The following ADPRHL1 variants were observed in gnomAD, a reference collection of about 807,000 sequenced individuals.
The protein encoded by ADPRHL1 is ADP-ribosylhydrolase like 1.
ADPRHL1 carries 43 observed loss-of-function variants against 44.1 expected under a neutral mutation model. The ratio of observed to expected loss-of-function variants is 0.98; its 90% CI spans 0.76 to 1.26. The LOEUF is 1.26. Ranked by LOEUF, ADPRHL1 falls within the 50% of genes most tolerant of loss-of-function variation. ADPRHL1 has a pLI of 0.00. For synonymous variants in ADPRHL1, 878 were observed against 1,017.4 expected (o/e 0.86, Z 2.61); for missense variants, 2,022 against 2,496.9 (o/e 0.81, Z 4.05).
chr13:113,424,262 C>T lies in ADPRHL1; in HGVS notation c.862G>A (p.Gly288Arg), dbSNP rs1205537170. The T allele has an allele frequency of 1.1e-5, 17 of 1,612,868 alleles. No homozygotes were observed. The highest frequency in any genetic ancestry group is 1.4e-5 in the Non-Finnish European group (17 of 1,179,932). The change falls in exon 6 of 8, where the codon GGA becomes AGA. Residue 288 changes from glycine to arginine, a missense_variant. This residue lies in a region of ADPRHL1 where 437 missense variants were observed against 430.7 expected (regional missense o/e 1.01). Coordinates refer to ENST00000612156, the MANE Select transcript of ADPRHL1 (RefSeq NM_001394807.1). ...MIAYDALLAAGNSWTELCHRA... is the reference protein window; with the variant it reads ...MIAYDALLAARNSWTELCHRA... ...TGACACAGCTCAGTCCAGCTGTTTC[C>T]TGCTGCAAGGAGGGCGTCATAGGCT...
rs369131652 is a variant in ADPRHL1, at chr13:113,425,210, C to T, written c.647-31G>A. The T allele has an allele frequency of 1.9e-5, 26 of 1,374,854 alleles. No individual in the cohort carries two copies. In the East Asian group the frequency reaches 3.2e-4, roughly 17 times the overall value. The allele number at this position is 1,374,854 out of a possible 1,614,324, so 85.2% of individuals were successfully genotyped here. A position where few individuals can be genotyped will look rare whatever the true frequency, so the allele number is the denominator to read the frequency against. On this transcript the variant is annotated intron_variant, in intron 4 of 7. Transcript: ENST00000612156. The stretch of plus-strand genomic sequence containing the variant: ...CATAAAGAACAAGGGGAGCTGAACA[C>T]AATGGCATCCATGGAGTGGGGCGGG...
chr13:113,452,804 G>C (rs1295602487), intron 1 of ADPRHL1, among the ~76,000 whole-genome samples: 1 of 152,136 alleles, frequency 6.6e-6, no homozygotes, highest in African/African-American at 2.4e-5. Flanking sequence ...ACATCCCTTT[G>C]TAATGAATTC....
intron 4 of ADPRHL1, among the ~76,000 whole-genome samples, chr13:113,428,644 G>T (rs1055092286): frequency 6.6e-6 from 1 of 152,266 alleles, no homozygotes; most frequent in African/African-American, 2.4e-5. Flanking sequence ...GCTGCCAGTC[G>T]CTTGGTGCCG....
In ADPRHL1 at chr13:113,410,612, G is replaced by A. The variant is rs1189634538; in HGVS notation, c.1062-2392C>T. 2.0e-5 allele frequency among the ~76,000 whole-genome samples: 3 copies of A among 152,332 alleles called. No individual in the cohort carries two copies. The East Asian group carries it at 5.8e-4, about 29-fold the overall frequency. On this transcript the variant is annotated intron_variant, in intron 7 of 7. Transcript: ENST00000612156. The stretch of plus-strand genomic sequence containing the variant: ...CACGCCCTCGTTCTGAGTCATTGGA[G>A]CCCACCCAGGAAGGAGCCGCTGTGT...
intron 5 of ADPRHL1, among the ~76,000 whole-genome samples, chr13:113,424,836 C>CCACT (rs2043955719): frequency 6.6e-5 from 1 of 15,216 alleles, no homozygotes; most frequent in Non-Finnish European, 1.3e-4. Context: ...ACCTGTCCAC[C>CCACT]CATCCATCCA....
chr13:113,408,860 A>AGAGGAGGGGAGGAGGGGGGCTGCAGC (rs2043828763), intron 7 of ADPRHL1, among the ~76,000 whole-genome samples: 1 of 137,518 alleles, frequency 7.3e-6, no homozygotes, highest in Admixed American at 7.3e-5. Flanking sequence ...GGGGCTGCAG[A>AGAGGAGGGGAGGAGGGGGGCTGCAGC]GAGGAAGGGA....
In ADPRHL1 at chr13:113,405,258, G is replaced by A; in HGVS notation, c.4024C>T (p.Leu1342=). 1.6e-6 allele frequency: 2 copies of A among 1,231,936 alleles called. No homozygotes were observed. Among genetic ancestry groups the A allele is most frequent in the South Asian group, 4.1e-5 (1 of 24,330 alleles). The allele number at this position is 1,231,936 out of a possible 1,614,324, so 76.3% of individuals were successfully genotyped here. A position where few individuals can be genotyped will look rare whatever the true frequency, so the allele number is the denominator to read the frequency against. The change falls in exon 8 of 8, where the codon CTG becomes TTG. Residue 1342 remains leucine (L), a synonymous_variant. Transcript: ENST00000612156. ...QRGPPHLQAH[L]PPTAGDTQAK... ...TGTGTGTCACCAGCAGTAGGGGGCA[G>A]GTGTGCCTGTAGATGGGGAGGGCCC...
intron 1 of ADPRHL1, among the ~76,000 whole-genome samples, chr13:113,447,343 A>G (rs2044148564): frequency 6.8e-6 from 1 of 147,460 alleles, no homozygotes; most frequent in African/African-American, 2.6e-5. Flanking sequence ...CATGGCGTCT[A>G]CACTCACGGT....
chr13:113,430,081 C>T (rs1462205009), intron 3 of ADPRHL1, among the ~76,000 whole-genome samples: 1 of 152,230 alleles, frequency 6.6e-6, no homozygotes, highest in South Asian at 2.1e-4. Flanking sequence ...GCCAGCCCTG[C>T]ACCTCACGGA....
intron 7 of ADPRHL1, among the ~76,000 whole-genome samples, chr13:113,417,534 C>T (rs1953222413): frequency 6.6e-6 from 1 of 152,224 alleles, no homozygotes; most frequent in Admixed American, 6.5e-5. Context: ...CGGTCCCTGC[C>T]TTTGTCTGTC....
intron 1 of ADPRHL1, among the ~76,000 whole-genome samples, chr13:113,449,787 G>T (rs1162902770): frequency 6.6e-6 from 1 of 152,218 alleles, no homozygotes; most frequent in East Asian, 1.9e-4. Flanking sequence ...AAAGCATGCT[G>T]AAGAGCCCCT....
intron 7 of ADPRHL1, among the ~76,000 whole-genome samples, chr13:113,415,305 A>G (rs1194836445): frequency 6.6e-6 from 1 of 152,152 alleles, no homozygotes; most frequent in Non-Finnish European, 1.5e-5. Context: ...CAGAGTGTGG[A>G]CCTGGAAAGG....
Position 113,405,962 on chromosome 13 carries a change from C to T in ADPRHL1, c.3320G>A (p.Gly1107Asp), listed in dbSNP as rs2043805294. Residue 1107 changes from glycine (G) to aspartate (D), a missense_variant, in exon 8 of 8, where the codon GGT becomes GAT. Physicochemically the swap from Gly to Asp is moderately conservative, Grantham distance 94 (BLOSUM62 -1). Coordinates refer to ENST00000612156, the MANE Select transcript of ADPRHL1 (RefSeq NM_001394807.1). ...LSSLNEPPKP[G>D]MKACGAMAAA... ...TGCCATCGCCCCACAGGCTTTCATA[C>T]CTGGTTTGGGTGGTTCATTTAATGA... 3.2e-6 allele frequency: 4 copies of T among 1,231,960 alleles called. No individual in the cohort carries two copies. The highest frequency in any genetic ancestry group is 4.0e-6 in the Non-Finnish European group (4 of 988,036). The allele number at this position is 1,231,960 out of a possible 1,614,324, so 76.3% of individuals were successfully genotyped here. A position where few individuals can be genotyped will look rare whatever the true frequency, so the allele number is the denominator to read the frequency against.
chr13:113,429,046 T>G lies in ADPRHL1; in HGVS notation c.552A>C (p.Ala184=). Residue 184 remains alanine (A), a synonymous_variant, in exon 4 of 8, where the codon GCA becomes GCC. Transcript: ENST00000612156. The part of the protein sequence containing the change: ...LCTALFVSFA[A]QGKPLVQWGR... The stretch of plus-strand genomic sequence containing the variant: ...CCCACTGGACCAGGGGCTTTCCTTG[T>G]GCGGCGAACGACACAAACAGGGCCG... 1 of 1,612,606 alleles carries G rather than the reference T, an allele frequency of 6.2e-7. No homozygotes were observed. Among genetic ancestry groups the G allele is most frequent in the South Asian group, 1.1e-5 (1 of 91,028 alleles).
At chr13:113,448,693 G>A (rs1314334786) in intron 1 of ADPRHL1, among the ~76,000 whole-genome samples, 3 of 147,518 alleles carry the variant, frequency 2.0e-5, no homozygotes, top group Admixed American at 6.9e-5. Context: ...GACACCTCCC[G>A]CCATCCTGCT....
At chr13:113,414,381 GC>G (rs549154892) in intron 7 of ADPRHL1, among the ~76,000 whole-genome samples, 46 of 151,314 alleles carry the variant, frequency 3.0e-4, no homozygotes, top group African/African-American at 1.0e-3. Flanking sequence ...GCCTGGAGCC[GC>G]CCCCCCTTCC....
At chr13:113,437,306 C>T (rs1291316721) in intron 2 of ADPRHL1, among the ~76,000 whole-genome samples, 1 of 143,828 alleles carries the variant, frequency 7.0e-6, no homozygotes, top group African/African-American at 2.6e-5. Context: ...AGGGTGAACA[C>T]AGGTGTACCC....
At chr13:113,412,075 T>C (rs2043856238) in intron 7 of ADPRHL1, among the ~76,000 whole-genome samples, 1 of 152,228 alleles carries the variant, frequency 6.6e-6, no homozygotes, top group Non-Finnish European at 1.5e-5. Flanking sequence ...CGGCTCAGCA[T>C]GTTCTGTGCT....
Position 113,453,183 on chromosome 13 carries a change from C to T in ADPRHL1, c.214+41G>A. 1 of 1,607,076 alleles carries T rather than the reference C, an allele frequency of 6.2e-7. No homozygotes were observed. Among genetic ancestry groups the T allele is most frequent in the Non-Finnish European group, 8.5e-7 (1 of 1,174,660 alleles). On this transcript the variant is annotated intron_variant, in intron 1 of 7. Transcript: ENST00000612156. This position sits in a 1 kb window ranked among gnomAD's most constrained non-coding sequence, Gnocchi z 5.4. ...TGGGAGAACTCGAGCAGCCAGTGTT[C>T]CCTCCAGCCCGCACACCGGAGCGCG... is the stretch of plus-strand genomic sequence containing the variant.
Sources: allele counts gnomAD v4.1 joint callset (sites outside exome capture counted in the v4.1 genomes callset), GRCh38; gene constraint gnomAD v4.1.1; regional missense constraint gnomAD v4.1.1; non-coding constraint Gnocchi (gnomAD v3.1); transcripts MANE v1.5; gene names NCBI Gene and HGNC (gene_info 2026-07-23, HGNC 2026-07-21).